RYR3: variants seen among roughly 807,000 people sequenced by gnomAD.
The protein encoded by RYR3 is ryanodine receptor 3.
Under a neutral mutation model 584.3 loss-of-function variants are expected in RYR3, and 207 were observed. The observed-to-expected ratio is 0.35, with a 90% confidence interval of 0.32 to 0.40. RYR3 has a LOEUF of 0.40. RYR3 is among the 10% of genes least tolerant of loss of function. The pLI is 1.00. For missense variants in RYR3, 5,616 were observed against 6,089.2 expected (o/e 0.92, Z 2.59); for synonymous variants, 2,416 against 2,248.5 (o/e 1.07, Z -2.11).
intron 31 of RYR3, among the ~76,000 whole-genome samples, chr15:33,650,341 C>CA (rs1321357518): frequency 1.3e-5 from 2 of 152,066 alleles, no homozygotes; most frequent in African/African-American, 4.8e-5. Flanking sequence ...GGCGCCACTG[C>CA]ACTCCATCCT....
chr15:33,835,959 C>T (rs1367522407), intron 87 of RYR3, among the ~76,000 whole-genome samples: 1 of 152,066 alleles, frequency 6.6e-6, no homozygotes. Context: ...TGAAATATCC[C>T]AAGTTAGAAT....
chr15:33,474,536 G>A (rs2049205755), intron 2 of RYR3, among the ~76,000 whole-genome samples: 1 of 152,162 alleles, frequency 6.6e-6, no homozygotes, highest in Non-Finnish European at 1.5e-5. Context: ...TTTTCTTAAA[G>A]TTAACTGACT....
chr15:33,758,100 G>A (rs946620569), intron 60 of RYR3, among the ~76,000 whole-genome samples: 5 of 152,192 alleles, frequency 3.3e-5, no homozygotes, highest in African/African-American at 4.8e-5. Flanking sequence ...GAGAAACGGT[G>A]CATTCTGGCC....
In RYR3 at chr15:33,816,927, C is replaced by A; in HGVS notation, c.10568C>A (p.Ser3523Tyr). ...TTTTGGATAGAAACAGAGGAGTATT[C>A]CTTTGAAGAGAAACTAGTACAGGAT... The part of the protein sequence containing the change: ...QRFWIETEEY[S>Y]FEEKLVQDLA... Residue 3523 changes from serine to tyrosine, a missense_variant, in exon 75 of 104, where the codon TCC becomes TAC. Coordinates refer to ENST00000634891, the MANE Select transcript of RYR3 (RefSeq NM_001036.6). 6.2e-7 allele frequency: 1 copy of A among 1,610,844 alleles called. No individual in the cohort carries two copies. The highest frequency in any genetic ancestry group is 8.5e-7 in the Non-Finnish European group (1 of 1,178,062).
At position 33,510,916 on chromosome 15, in the gene RYR3, G is replaced by A. The variant is rs143715940; in HGVS notation, c.279+7178G>A. Among the ~76,000 whole-genome samples the A allele has an allele frequency of 2.3e-3, 357 of 152,202 alleles. 1 individual carries two copies. Among genetic ancestry groups the A allele is most frequent in the Middle Eastern group, 0.014 (4 of 294 alleles). On this transcript the variant is annotated intron_variant, in intron 3 of 103. Transcript: ENST00000634891. ...GTTTCCCTGATAAGCTGATATTTAT[G>A]AAGATATGTGCAAATAACTCACATT...
chr15:33,425,505 C>G (rs2044543557), intron 1 of RYR3, among the ~76,000 whole-genome samples: 2 of 152,108 alleles, frequency 1.3e-5, no homozygotes, highest in Non-Finnish European at 2.9e-5. Context: ...GCAAAGGATT[C>G]AAGAGGGAGA....
chr15:33,860,671 C>T lies in RYR3; in HGVS notation c.14364+12C>T. 1.3e-6 allele frequency: 2 copies of T among 1,551,634 alleles called. No homozygotes were observed. Among genetic ancestry groups the T allele is most frequent in the Non-Finnish European group, 1.8e-6 (2 of 1,136,252 alleles). On this transcript the variant is annotated intron_variant, in intron 101 of 103. Coordinates refer to ENST00000634891, the MANE Select transcript of RYR3 (RefSeq NM_001036.6). Reference sequence around the variant, plus strand: ...GAGAAGATATGGAGGTAATGTTACTCTAACTACTAATCCCAGCTCTATTTT... The same window carrying T: ...GAGAAGATATGGAGGTAATGTTACTTTAACTACTAATCCCAGCTCTATTTT...
chr15:33,662,748 G>A lies in RYR3; in HGVS notation c.5218G>A (p.Asp1740Asn). ...GTLLVMGVFD[D>N]DDVRQILLLI... ...CCTGCTGGTCATGGGCGTGTTTGAT[G>A]ATGATGATGTTCGGCAGATCCTCCT... The change falls in exon 35 of 104, where the codon GAT becomes AAT. Residue 1740 changes from aspartate to asparagine, a missense_variant. Physicochemically the swap from Asp to Asn is conservative, Grantham distance 23 (BLOSUM62 1). Transcript: ENST00000634891. 1 of 1,614,176 alleles carries A rather than the reference G, an allele frequency of 6.2e-7. No homozygotes were observed. The highest frequency in any genetic ancestry group is 8.5e-7 in the Non-Finnish European group (1 of 1,180,020).
intron 12 of RYR3, among the ~76,000 whole-genome samples, chr15:33,570,719 T>G (rs2057978429): frequency 6.6e-6 from 1 of 152,190 alleles, no homozygotes; most frequent in African/African-American, 2.4e-5. Context: ...AAACATAAAA[T>G]GTCTATTTAT....
chr15:33,718,080 C>T (rs886713438), intron 43 of RYR3, among the ~76,000 whole-genome samples: 9 of 152,192 alleles, frequency 5.9e-5, no homozygotes, highest in Non-Finnish European at 1.2e-4. Flanking sequence ...CTGGCCATTA[C>T]CCTGCCCCTG....
At chr15:33,602,693 G>T (rs66951930) in intron 17 of RYR3, among the ~76,000 whole-genome samples, 15,748 of 144,376 alleles carry the variant, frequency 0.11, 1,593 homozygotes, top group East Asian at 0.59. Context: ...ATCACACTAA[G>T]AACTTGATCA....
intron 2 of RYR3, among the ~76,000 whole-genome samples, chr15:33,480,728 A>G (rs966796410): frequency 4.6e-5 from 7 of 152,200 alleles, no homozygotes; most frequent in South Asian, 2.1e-4. Flanking sequence ...TATCACTCCA[A>G]TCTTTTTCAA....
chr15:33,411,649 A>ACCACTT (rs1476394728), intron 1 of RYR3, among the ~76,000 whole-genome samples: 1 of 152,158 alleles, frequency 6.6e-6, no homozygotes, highest in Non-Finnish European at 1.5e-5. Context: ...CAAACTTACG[A>ACCACTT]CCACTTCCAC....
rs4780144 is a variant in RYR3 at position 33,662,451 on chromosome 15, C to T, written c.4921C>T (p.Arg1641Cys). The change falls in exon 35 of 104, where the codon CGC becomes TGC. Residue 1641 changes from arginine to cysteine, a missense_variant. Physicochemically the swap from Arg to Cys is radical, Grantham distance 180. Transcript: ENST00000634891. ...IPITSTTRNI[R>C]LFPDESKRHG... The stretch of plus-strand genomic sequence containing the variant: ...CATTACCAGCACCACCAGGAATATC[C>T]GCCTCTTCCCGGACGAGTCCAAGAG... The T allele has an allele frequency of 0.95, 1,533,337 of 1,613,882 alleles. 732,729 individuals are homozygous for T. The highest frequency in any genetic ancestry group is 0.97 in the Non-Finnish European group (1,145,659 of 1,179,880).
chr15:33,368,549 G>T (rs960836691), intron 1 of RYR3, among the ~76,000 whole-genome samples: 1 of 151,980 alleles, frequency 6.6e-6, no homozygotes, highest in African/African-American at 2.4e-5. Flanking sequence ...GAGATTTCTG[G>T]AAAGTGATGA....
chr15:33,826,579 C>G lies in RYR3; in HGVS notation c.11165-93C>G, dbSNP rs145730399. On this transcript the variant is annotated intron_variant, in intron 83 of 103. Transcript: ENST00000634891. ...GTTCCTTTTCCAAACCATTCTGACA[C>G]AACTCCTTTATCATCTGTGTAGTCA... The G allele has an allele frequency of 1.4e-4, 159 of 1,131,812 alleles. 2 individuals carry two copies. In the East Asian group the frequency reaches 3.2e-3, roughly 23 times the overall value. The allele number at this position is 1,131,812 out of a possible 1,614,324, so 70.1% of individuals were successfully genotyped here. A position where few individuals can be genotyped will look rare whatever the true frequency, so the allele number is the denominator to read the frequency against.
At chr15:33,396,528 C>G (rs183037960) in intron 1 of RYR3, among the ~76,000 whole-genome samples, 21 of 152,352 alleles carry the variant, frequency 1.4e-4, no homozygotes, top group Non-Finnish European at 2.9e-4. Flanking sequence ...TGAGAGATCT[C>G]AAGCCCCGGG....
intron 3 of RYR3, among the ~76,000 whole-genome samples, chr15:33,523,728 G>A (rs2054184760): frequency 6.6e-6 from 1 of 152,130 alleles, no homozygotes; most frequent in South Asian, 2.1e-4. Flanking sequence ...AAACAAGAAC[G>A]GGATTTAAAG....
chr15:33,819,282 A>G (rs895785792), intron 76 of RYR3, among the ~76,000 whole-genome samples: 3 of 152,230 alleles, frequency 2.0e-5, no homozygotes, highest in African/African-American at 7.2e-5. Flanking sequence ...GTGGTTTCTA[A>G]GAATCAGAGT....
Sources: allele counts gnomAD v4.1 joint callset (sites outside exome capture counted in the v4.1 genomes callset), GRCh38; gene constraint gnomAD v4.1.1; transcripts MANE v1.5; gene names NCBI Gene and HGNC (gene_info 2026-07-23, HGNC 2026-07-21).